HOMER1: variants seen among roughly 807,000 people sequenced by gnomAD.
The protein encoded by HOMER1 is homer protein homolog 1.
A neutral mutation model predicts 48.9 loss-of-function variants in HOMER1; 3 were observed. That is an observed-to-expected ratio of 0.06 (90% confidence interval 0.03 to 0.16). The LOEUF (loss-of-function observed/expected upper bound fraction) is 0.16. Among genes scored for constraint, HOMER1 ranks in the 10% least tolerant of loss-of-function variants. The pLI is 1.00. For missense variants in HOMER1, 247 were observed against 411.4 expected, an observed-to-expected ratio of 0.60 and a Z score of 3.46; for synonymous variants, 134 against 146.4, an observed-to-expected ratio of 0.92 and a Z score of 0.61.
rs375518994 is a variant in HOMER1 at position 79,447,594 on chromosome 5, T to A, written c.295-449A>T. 1.4e-4 allele frequency among the ~76,000 whole-genome samples: 21 copies of A among 152,312 alleles called. No individual in the cohort carries two copies. In the East Asian group the frequency reaches 3.7e-3, roughly 27 times the overall value. On this transcript the variant is annotated intron_variant, in intron 3 of 8. Transcript: ENST00000334082. ...TTTACTAAAATATAAACTCTCTTAA[T>A]ACACAATGCATTTTCAGTAATACAA...
At chr5:79,385,798 G>A (rs764289520) in intron 8 of HOMER1, among the ~76,000 whole-genome samples, 10 of 125,248 alleles carry the variant, frequency 8.0e-5, no homozygotes, top group South Asian at 2.6e-4. Flanking sequence ...AGCCGAGATC[G>A]CACCACTGCA....
At chr5:79,488,750 T>A (rs913334586) in intron 1 of HOMER1, among the ~76,000 whole-genome samples, 2 of 152,210 alleles carry the variant, frequency 1.3e-5, no homozygotes, top group Admixed American at 1.3e-4. Context: ...TATTAGTACA[T>A]CAGGCACTAG....
chr5:79,417,502 A>G (rs1749979159), intron 5 of HOMER1, among the ~76,000 whole-genome samples: 1 of 152,240 alleles, frequency 6.6e-6, no homozygotes. Context: ...TTTATTCAGG[A>G]AATGATGTTA....
chr5:79,497,125 G>A (rs1752447276), intron 1 of HOMER1, among the ~76,000 whole-genome samples: 1 of 151,364 alleles, frequency 6.6e-6, no homozygotes, highest in East Asian at 1.9e-4. Flanking sequence ...AACGACACTG[G>A]ACAAACTTAA....
chr5:79,439,586 G>T (rs1372911098), intron 4 of HOMER1, among the ~76,000 whole-genome samples: 2 of 152,080 alleles, frequency 1.3e-5, no homozygotes, highest in African/African-American at 4.8e-5. Flanking sequence ...AGAAGAAGTG[G>T]ATGAGGAGAG....
intron 4 of HOMER1, among the ~76,000 whole-genome samples, chr5:79,443,232 A>C (rs551468336): frequency 6.6e-6 from 1 of 152,354 alleles, no homozygotes; most frequent in South Asian, 2.1e-4. Flanking sequence ...GCCAGGCTAA[A>C]TACTTTGAAA....
At chr5:79,444,572 A>C (rs1433353776) in intron 4 of HOMER1, among the ~76,000 whole-genome samples, 1 of 152,240 alleles carries the variant, frequency 6.6e-6, no homozygotes, top group Admixed American at 6.5e-5. Flanking sequence ...CAGAGGCTTA[A>C]AGTCATTCCT....
intron 5 of HOMER1, among the ~76,000 whole-genome samples, chr5:79,421,005 T>A (rs1561356930): frequency 2.0e-5 from 3 of 152,226 alleles, no homozygotes; most frequent in Non-Finnish European, 2.9e-5. Flanking sequence ...TGATTATATA[T>A]GTATACAACA....
At chr5:79,430,864 G>C (rs1181157192) in intron 5 of HOMER1, among the ~76,000 whole-genome samples, 1 of 152,008 alleles carries the variant, frequency 6.6e-6, no homozygotes, top group Admixed American at 6.6e-5. Context: ...TTGAACCCAG[G>C]AGGCGGAGGT....
chr5:79,376,003 C>G lies in HOMER1; in HGVS notation c.*6G>C. 6.4e-7 allele frequency: 1 copy of G among 1,569,818 alleles called. No individual in the cohort carries two copies. Among genetic ancestry groups the G allele is most frequent in the Non-Finnish European group, 8.7e-7 (1 of 1,153,070 alleles). On this transcript the variant is annotated 3_prime_UTR_variant, in exon 9 of 9. Coordinates refer to ENST00000334082, the MANE Select transcript of HOMER1 (RefSeq NM_004272.5). ...TTAATTAATTGGCACTGAAATTTCACTTTCCTTAGCTGCATTCTAGTAGCT... is the reference window on the plus strand; with the variant it reads ...TTAATTAATTGGCACTGAAATTTCAGTTTCCTTAGCTGCATTCTAGTAGCT...
At chr5:79,458,274 T>C (rs1369391066) in intron 1 of HOMER1, among the ~76,000 whole-genome samples, 1 of 152,112 alleles carries the variant, frequency 6.6e-6, no homozygotes, top group Non-Finnish European at 1.5e-5. Context: ...GGAAGCAGCA[T>C]TTATCAAGCT....
intron 8 of HOMER1, among the ~76,000 whole-genome samples, chr5:79,391,575 T>C (rs1749252927): frequency 6.6e-6 from 1 of 151,700 alleles, no homozygotes; most frequent in South Asian, 2.1e-4. Flanking sequence ...AAACTCCGTC[T>C]CTGCTAAAAA....
At chr5:79,470,581 G>A (rs1396053168) in intron 1 of HOMER1, among the ~76,000 whole-genome samples, 2 of 152,142 alleles carry the variant, frequency 1.3e-5, no homozygotes, top group African/African-American at 2.4e-5. Context: ...AATGAAAATA[G>A]AAATAAACCT....
rs374767118 is a variant in HOMER1, at chr5:79,459,210, A to G, written c.6-2192T>C. The stretch of plus-strand genomic sequence containing the variant: ...TTCTAATAAACATCTTTTCTAAAAT[A>G]GTAAATTAGTTATTAAGATAATAAC... On this transcript the variant is annotated intron_variant, in intron 1 of 8. Coordinates refer to ENST00000334082, the MANE Select transcript of HOMER1 (RefSeq NM_004272.5). 1.3e-4 allele frequency among the ~76,000 whole-genome samples: 20 copies of G among 152,320 alleles called. 1 individual carries two copies. The highest frequency in any genetic ancestry group is 5.9e-4 in the Admixed American group (9 of 15,298).
chr5:79,415,346 C>T (rs967698750), intron 5 of HOMER1, among the ~76,000 whole-genome samples: 2 of 151,446 alleles, frequency 1.3e-5, no homozygotes, highest in Non-Finnish European at 2.9e-5. Context: ...TGTGCCTGGC[C>T]GAGAATAGTT....
intron 1 of HOMER1, among the ~76,000 whole-genome samples, chr5:79,470,951 C>T (rs1751598886): frequency 6.6e-6 from 1 of 152,098 alleles, no homozygotes; most frequent in African/African-American, 2.4e-5. Flanking sequence ...GATACACTTA[C>T]TTCAGCCCTT....
chr5:79,509,818 C>T (rs1752885057), intron 1 of HOMER1, among the ~76,000 whole-genome samples: 1 of 152,156 alleles, frequency 6.6e-6, no homozygotes, highest in African/African-American at 2.4e-5. Flanking sequence ...TGCCCCTAGA[C>T]TTGCAATAAT....
chr5:79,448,592 T>A (rs1249481273), intron 3 of HOMER1, among the ~76,000 whole-genome samples: 2 of 152,202 alleles, frequency 1.3e-5, no homozygotes, highest in Admixed American at 6.5e-5. Context: ...GATGTCTTTG[T>A]CTAGAATTGC....
intron 5 of HOMER1, among the ~76,000 whole-genome samples, chr5:79,405,004 C>T (rs776271766): frequency 2.6e-4 from 40 of 152,140 alleles, no homozygotes; most frequent in Admixed American, 4.6e-4. Context: ...CCATCGTGCC[C>T]GGTCCTGATT....
Sources: gnomAD v4.1 joint callset for allele counts (sites outside exome capture counted in the v4.1 genomes callset) on GRCh38, gnomAD v4.1.1 for gene constraint, MANE v1.5 for transcripts, NCBI Gene and HGNC (gene_info 2026-07-23, HGNC 2026-07-21) for gene names.